Variants in TDRD7 observed in about 807,000 individuals in gnomAD.
TDRD7 encodes tudor domain containing 7, also known as tudor domain-containing protein 7.
TDRD7 carries 47 observed loss-of-function variants against 109.8 expected under a neutral mutation model. The observed-to-expected ratio is 0.43, with a 90% CI of 0.34 to 0.55. The LOEUF (loss-of-function observed/expected upper bound fraction) is 0.55. Among genes scored for constraint, TDRD7 ranks in the 20% least tolerant of loss-of-function variants. The pLI is 0.03. For missense variants in TDRD7, 1,164 were observed against 1,319.2 expected (o/e 0.88, Z 1.82); for synonymous variants, 424 against 457.3 (o/e 0.93, Z 0.93).
chr9:97,417,805 T>C (rs1827835145), intron 1 of TDRD7, among the ~76,000 whole-genome samples: 1 of 152,190 alleles, frequency 6.6e-6, no homozygotes, highest in Admixed American at 6.5e-5. Context: ...TTAAAGTAGA[T>C]TTTAACTGTG....
intron 7 of TDRD7, among the ~76,000 whole-genome samples, chr9:97,461,802 G>T (rs966291210): frequency 2.0e-5 from 3 of 152,170 alleles, no homozygotes; most frequent in African/African-American, 7.2e-5. Context: ...CAACCAAATG[G>T]TCCTTTGGTT....
At position 97,483,295 on chromosome 9, in the gene TDRD7, A is replaced by G. The variant is rs2131178055; in HGVS notation, c.2859A>G (p.Glu953=). 6.2e-7 allele frequency: 1 copy of G among 1,614,166 alleles called. No homozygotes were observed. Among genetic ancestry groups the G allele is most frequent in the East Asian group, 2.2e-5 (1 of 44,882 alleles). Reference sequence around the variant, plus strand: ...TGATTCTATATTACAGCGTGTCTGAAGAGCGCCACATAGCAGTGGAGAAAG... The same window carrying G: ...TGATTCTATATTACAGCGTGTCTGAGGAGCGCCACATAGCAGTGGAGAAAG... ...EEMILYYSVS[E]ERHIAVEKDQ... is the part of the protein sequence containing the mutation. Residue 953 remains glutamate (E), a synonymous_variant, in exon 15 of 17, where the codon GAA becomes GAG. Coordinates refer to ENST00000355295, the MANE Select transcript of TDRD7 (RefSeq NM_014290.3).
chr9:97,418,515 A>G (rs1827848925), intron 1 of TDRD7, among the ~76,000 whole-genome samples: 1 of 152,052 alleles, frequency 6.6e-6, no homozygotes, highest in Non-Finnish European at 1.5e-5. Context: ...GACAAGAGGA[A>G]GACTCTACCT....
At chr9:97,483,427 C>CG (rs899663759) in intron 15 of TDRD7, 76 bp downstream of exon 15, 5 of 1,560,338 alleles carry the variant, frequency 3.2e-6, no homozygotes, top group East Asian at 2.3e-5. Flanking sequence ...TTAATCTTGG[C>CG]GGGGGGACTT....
Position 97,430,941 on chromosome 9 carries a change from C to A in TDRD7, c.216C>A (p.Cys72Ter). 1 of 1,613,750 alleles carries A rather than the reference C, an allele frequency of 6.2e-7. No individual in the cohort carries two copies. Among genetic ancestry groups the A allele is most frequent in the Non-Finnish European group, 8.5e-7 (1 of 1,179,756 alleles). The part of the protein sequence containing the change: ...IETSRSGEIT[C>*]YAMACTETAR... ...CTGCCTCTAATGAATAGATTACCTG[C>A]TATGCCATGGCCTGCACAGAAACTG... is the stretch of plus-strand genomic sequence containing the variant. The change falls in exon 3 of 17, where the codon TGC becomes TGA. Residue 72 changes from cysteine (C) to a stop codon, truncating the protein, a stop_gained. Transcript: ENST00000355295. LOFTEE classifies it high-confidence loss of function.
At chr9:97,430,384 CCT>C (rs747011334) in intron 2 of TDRD7, among the ~76,000 whole-genome samples, 3 of 152,146 alleles carry the variant, frequency 2.0e-5, no homozygotes, top group Non-Finnish European at 4.4e-5. Context: ...CTAAACCACC[CCT>C]GTTTTACAGC....
chr9:97,441,843 C>T lies in TDRD7; in HGVS notation c.823C>T (p.Gln275Ter). ...AGAAGACCTTAATCAAGGAATTTTA[C>T]AACAGTTTGAACACTGGCCTCATAT... ...YKEDLNQGIL[Q>*]QFEHWPHICT... The change falls in exon 6 of 17, where the codon CAA becomes TAA. Residue 275 changes from glutamine (Q) to a stop codon, truncating the protein, a stop_gained. Transcript: ENST00000355295. LOFTEE classifies it high-confidence loss of function. 2 of 1,613,746 alleles carry T rather than the reference C, an allele frequency of 1.2e-6. No homozygotes were observed. The highest frequency in any genetic ancestry group is 1.1e-5 in the South Asian group (1 of 91,072).
At chr9:97,481,252 G>A (rs1380746050) in intron 14 of TDRD7, among the ~76,000 whole-genome samples, 1 of 152,122 alleles carries the variant, frequency 6.6e-6, no homozygotes. Flanking sequence ...CCCCAACAGA[G>A]GGACCACAGA....
At chr9:97,441,905 T>TA in intron 6 of TDRD7, 30 bp downstream of exon 6, 2 of 1,581,038 alleles carry the variant, frequency 1.3e-6, no homozygotes, top group Non-Finnish European at 1.7e-6. Flanking sequence ...TCCCTTCTGA[T>TA]ACCTCCTCCC....
At chr9:97,480,723 G>A (rs969262815) in intron 13 of TDRD7, 105 bp from the exon 14 acceptor site, 4 of 935,934 alleles carry the variant, frequency 4.3e-6, no homozygotes, top group South Asian at 1.3e-5. Context: ...GTTGCTTGCT[G>A]TCTATCTTGG....
intron 11 of TDRD7, 31 bp from the exon 12 acceptor site, chr9:97,475,352 A>T: frequency 6.5e-7 from 1 of 1,527,386 alleles, no homozygotes; most frequent in Non-Finnish European, 9.1e-7. Flanking sequence ...TGCTAAGAGT[A>T]ATAAGAGTAT....
intron 12 of TDRD7, among the ~76,000 whole-genome samples, chr9:97,476,559 A>C (rs1206367236): frequency 3.6e-5 from 4 of 112,640 alleles, no homozygotes. Flanking sequence ...CTACAAAACC[A>C]AAAAGAAAAA....
chr9:97,475,437 T>C lies in TDRD7; in HGVS notation c.2134T>C (p.Phe712Leu), dbSNP rs149857246. ...SLPFCGKICL[F>L]HCKGKWLRVE... is the part of the protein sequence containing the mutation. ...ACCCTTCTGTGGGAAAATCTGCCTC[T>C]TCCATTGCAAAGGAAAATGGTTACG... The change falls in exon 12 of 17, where the codon TTC becomes CTC. Residue 712 changes from phenylalanine to leucine, a missense_variant. By Grantham distance (22) the Phe-to-Leu change is conservative. Around this residue, in one of 5 missense-constraint regions of TDRD7, gnomAD observed 261 missense variants for 336.2 expected, o/e 0.78. Transcript: ENST00000355295. 325 of 1,613,728 alleles carry C rather than the reference T, an allele frequency of 2.0e-4. No individual in the cohort carries two copies. The highest frequency in any genetic ancestry group is 8.3e-4 in the Middle Eastern group (5 of 6,058).
intron 5 of TDRD7, among the ~76,000 whole-genome samples, chr9:97,440,563 T>C (rs1828284956): frequency 6.6e-6 from 1 of 152,216 alleles, no homozygotes. Context: ...TGGAGCCTTC[T>C]CTTCTCTGTG....
chr9:97,495,839 G>A lies in TDRD7; in HGVS notation c.3253G>A (p.Asp1085Asn). The A allele has an allele frequency of 1.2e-6, 2 of 1,614,182 alleles. No homozygotes were observed. The highest frequency in any genetic ancestry group is 1.7e-6 in the Non-Finnish European group (2 of 1,180,028). The change falls in exon 17 of 17, where the codon GAT becomes AAT. Residue 1085 changes from aspartate (D) to asparagine (N), a missense_variant. Asp to Asn is a conservative substitution (Grantham distance 23). Coordinates refer to ENST00000355295, the MANE Select transcript of TDRD7 (RefSeq NM_014290.3). Reference sequence around the variant, plus strand: ...GCCAGACACCGATACCTGGATTCATGATTTTATGTCAGAGTATCTGATAGA... The same window carrying A: ...GCCAGACACCGATACCTGGATTCATAATTTTATGTCAGAGTATCTGATAGA... The part of the protein sequence containing the change: ...SLPDTDTWIH[D>N]FMSEYLIELS...
At chr9:97,439,748 C>T (rs530095795) in intron 5 of TDRD7, among the ~76,000 whole-genome samples, 1 of 152,300 alleles carries the variant, frequency 6.6e-6, no homozygotes, top group South Asian at 2.1e-4. Flanking sequence ...AGCTAGCACC[C>T]TAAACTGTGT....
At chr9:97,417,838 G>A (rs551390405) in intron 1 of TDRD7, among the ~76,000 whole-genome samples, 4 of 152,252 alleles carry the variant, frequency 2.6e-5, no homozygotes, top group African/African-American at 9.6e-5. Context: ...TTAAAAAGGG[G>A]GTGAAAGGCC....
chr9:97,464,672 C>G (rs886259913), intron 7 of TDRD7, among the ~76,000 whole-genome samples, 170 bp from the exon 8 acceptor site: 1 of 152,070 alleles, frequency 6.6e-6, no homozygotes, highest in East Asian at 1.9e-4. Context: ...TCTTCTTTTT[C>G]AAGAGATAAG....
chr9:97,473,658 A>G (rs1828961224), intron 11 of TDRD7, 32 bp downstream of exon 11: 1 of 1,612,854 alleles, frequency 6.2e-7, no homozygotes, highest in Non-Finnish European at 8.5e-7. Context: ...CTCTAAAATT[A>G]GCCCTAAAAT....
Sources: gnomAD v4.1 joint callset for allele counts (sites outside exome capture counted in the v4.1 genomes callset) on GRCh38, gnomAD v4.1.1 for gene constraint, gnomAD v4.1.1 regional missense constraint, MANE v1.5 for transcripts, NCBI Gene and HGNC (gene_info 2026-07-23, HGNC 2026-07-21) for gene names.